PTGER4: variants seen among roughly 807,000 people sequenced by gnomAD.
The protein encoded by PTGER4 is prostaglandin E2 receptor EP4 subtype.
In PTGER4, 11 loss-of-function variants were observed where a neutral mutation model predicts 33.2. That is an observed-to-expected ratio of 0.33 (90% confidence interval 0.21 to 0.55). PTGER4 has a LOEUF of 0.55. PTGER4 is among the 20% of genes least tolerant of loss of function. The probability of loss-of-function intolerance (pLI) is 0.92; values close to 1 mark genes in which losing one functional copy is unlikely to be tolerated. For synonymous variants in PTGER4, 275 were observed against 281.5 expected (o/e 0.98, Z 0.23); for missense variants, 481 against 650.2 (o/e 0.74, Z 2.83).
At chr5:40,697,583 C>CAAAAAAAAAAAAAAAAAAAAAAAAA (rs768811169), downstream of PTGER4, among the ~76,000 whole-genome samples, 1 of 94,760 alleles carries the variant, frequency 1.1e-5, no homozygotes, top group African/African-American at 4.8e-5. Flanking sequence ...AATTCCATCT[C>CAAAAAAAAAAAAAAAAAAAAAAAAA]AAAAAAAAAA....
At chr5:40,701,553 A>C in the PTGER4 span, among the ~76,000 whole-genome samples, 2 of 152,212 alleles carry the variant, frequency 1.3e-5, no homozygotes, top group African/African-American at 4.8e-5. Flanking sequence ...CAAATCTATG[A>C]ATCACTGGCA....
At chr5:40,718,626 T>C in the PTGER4 span, among the ~76,000 whole-genome samples, 15 of 151,876 alleles carry the variant, frequency 9.9e-5, no homozygotes, top group Admixed American at 9.2e-4. Context: ...ACGTGGTGGC[T>C]ACTCAGGGGG....
Position 40,692,273 on chromosome 5 carries a change from G to C in PTGER4, c.1362G>C (p.Val454=), listed in dbSNP as rs747590335. 6.2e-7 allele frequency: 1 copy of C among 1,614,234 alleles called. No homozygotes were observed. Among genetic ancestry groups the C allele is most frequent in the South Asian group, 1.1e-5 (1 of 91,086 alleles). ...AGGACTCAGAGAGTGTCTTACTGGT[G>C]GATGAGGCTGGTGGGAGCGGCAGGG... ...QGQDSESVLL[V]DEAGGSGRAG... Residue 454 remains valine, a synonymous_variant, in exon 3 of 3, where the codon GTG becomes GTC. Coordinates refer to ENST00000302472, the MANE Select transcript of PTGER4 (RefSeq NM_000958.3).
Position 40,680,835 on chromosome 5 carries a change from A to G in PTGER4, c.-43-116A>G. 1.1e-6 allele frequency: 1 copy of G among 938,282 alleles called. No homozygotes were observed. 58.1% of individuals were successfully genotyped at this position (938,282 alleles called of 1,614,324 possible). ...GGTAAGTGGCTACAATCCAGAAAGT[A>G]GGATCGAGTTGCTCCCCTTGTCTTA... On this transcript the variant is annotated intron_variant, in intron 1 of 2. Transcript: ENST00000302472. The surrounding 1 kb of genome is among the most constrained non-coding windows in gnomAD (Gnocchi z 5.5).
the PTGER4 span, among the ~76,000 whole-genome samples, chr5:40,698,921 A>G: frequency 1.3e-5 from 2 of 152,326 alleles, no homozygotes; most frequent in East Asian, 3.9e-4. Flanking sequence ...GAAATAATGG[A>G]TCTAGACAAT....
the PTGER4 span, among the ~76,000 whole-genome samples, chr5:40,743,583 G>C: frequency 6.6e-6 from 1 of 151,914 alleles, no homozygotes; most frequent in Admixed American, 6.6e-5. Context: ...GACCAGCCTG[G>C]CCAACATGGC....
downstream of PTGER4, among the ~76,000 whole-genome samples, chr5:40,697,262 G>GAAAGAAAGAA (rs1198602215): frequency 1.8e-4 from 21 of 117,456 alleles, no homozygotes; most frequent in African/African-American, 5.0e-4. Context: ...AAGAAAGAAA[G>GAAAGAAAGAA]AAAGAAAGAA....
the PTGER4 span, among the ~76,000 whole-genome samples, chr5:40,712,486 G>A: frequency 9.2e-5 from 14 of 152,118 alleles, no homozygotes; most frequent in Non-Finnish European, 1.9e-4. Flanking sequence ...TAGGTTAGAG[G>A]ATGTACTTTA....
At chr5:40,686,397 C>G (rs899503517) in intron 2 of PTGER4, among the ~76,000 whole-genome samples, 4 of 152,244 alleles carry the variant, frequency 2.6e-5, no homozygotes, top group African/African-American at 9.6e-5. Context: ...AAAGCTACCT[C>G]TAAGCTACAG....
the PTGER4 span, among the ~76,000 whole-genome samples, chr5:40,704,048 C>A: frequency 3.3e-5 from 5 of 150,346 alleles, no homozygotes; most frequent in Non-Finnish European, 5.9e-5. Context: ...AACTTCAGGC[C>A]AATCAATATC....
chr5:40,699,454 A>AT, the PTGER4 span, among the ~76,000 whole-genome samples: 1 of 152,196 alleles, frequency 6.6e-6, no homozygotes, highest in Non-Finnish European at 1.5e-5. Flanking sequence ...CACCAAATCT[A>AT]TAGAAACTAT....
At chr5:40,723,521 A>G in the PTGER4 span, among the ~76,000 whole-genome samples, 2 of 152,060 alleles carry the variant, frequency 1.3e-5, no homozygotes, top group African/African-American at 4.8e-5. Flanking sequence ...TTAAAAAAAA[A>G]AAAAAAAGAA....
chr5:40,721,763 C>G, the PTGER4 span, among the ~76,000 whole-genome samples: 2 of 151,890 alleles, frequency 1.3e-5, no homozygotes, highest in African/African-American at 4.8e-5. Context: ...AATATAACAC[C>G]AAAAACATAG....
the PTGER4 span, among the ~76,000 whole-genome samples, chr5:40,702,396 T>C: frequency 6.6e-6 from 1 of 151,816 alleles, no homozygotes; most frequent in Non-Finnish European, 1.5e-5. Flanking sequence ...CAAAACAGAT[T>C]TCAAACCAAA....
At chr5:40,721,672 C>CA in the PTGER4 span, among the ~76,000 whole-genome samples, 34 of 148,818 alleles carry the variant, frequency 2.3e-4, no homozygotes, top group African/African-American at 4.4e-4. Context: ...ATGACTCCTA[C>CA]AAAAAAAACA....
intron 2 of PTGER4, among the ~76,000 whole-genome samples, chr5:40,682,591 T>A (rs1741226834): frequency 6.6e-6 from 1 of 152,180 alleles, no homozygotes; most frequent in Non-Finnish European, 1.5e-5. Context: ...TTTCATTCTG[T>A]CTAGACCAGG....
the PTGER4 span, among the ~76,000 whole-genome samples, chr5:40,738,480 AATACAATACAATAC>A: frequency 9.4e-5 from 13 of 138,082 alleles, no homozygotes; most frequent in Non-Finnish European, 1.4e-4. Context: ...AATACAATAC[AATACAATACAATAC>A]AATACAATAC....
chr5:40,728,575 A>T, the PTGER4 span: 3 of 1,177,302 alleles, frequency 2.5e-6, no homozygotes, highest in Non-Finnish European at 3.4e-6. Context: ...TTTTTAGTCC[A>T]GTAAAAATAG....
chr5:40,725,219 T>A, the PTGER4 span, among the ~76,000 whole-genome samples: 1 of 150,688 alleles, frequency 6.6e-6, no homozygotes, highest in Non-Finnish European at 1.5e-5. Context: ...ACTCCTGGCC[T>A]CAAGCAATCC....
Sources: gnomAD v4.1 joint callset for allele counts (sites outside exome capture counted in the v4.1 genomes callset) on GRCh38, gnomAD v4.1.1 for gene constraint, Gnocchi (gnomAD v3.1) non-coding constraint, MANE v1.5 for transcripts, NCBI Gene and HGNC (gene_info 2026-07-23, HGNC 2026-07-21) for gene names.